The following TCEAL5 variants were observed in gnomAD, a reference collection of about 807,000 sequenced individuals.
The protein encoded by TCEAL5 is transcription elongation factor A like 5, also known as transcription elongation factor A protein-like 5.
For missense variants in TCEAL5, 111 were observed against 158.1 expected (o/e 0.70, Z 1.60); for synonymous variants, 65 against 61.2 (o/e 1.06, Z -0.29).
At position 103,273,879 on chromosome X, in the gene TCEAL5, C is replaced by G; in HGVS notation, c.*64G>C. 1 of 1,167,645 alleles carries G rather than the reference C, an allele frequency of 8.6e-7. No individual in the cohort carries two copies. The highest frequency in any genetic ancestry group is 2.0e-5 in the South Asian group (1 of 50,081). On this transcript the variant is annotated 3_prime_UTR_variant, in exon 3 of 3. Coordinates refer to ENST00000372680, the MANE Select transcript of TCEAL5 (RefSeq NM_001012979.3). ...TTAAAGCACATAGGCCGGCAAATGC[C>G]TGCCAGGAAAAGCAGGACTGGCAAT... is the stretch of plus-strand genomic sequence containing the variant.
intron 1 of TCEAL5, 119 bp from the exon 2 acceptor site, chrX:103,275,461 C>T: frequency 8.9e-6 from 1 of 112,047 alleles, no homozygotes; most frequent in South Asian, 3.8e-4. Flanking sequence ...CCTATCACCT[C>T]CTCGCCTTTT....
At chrX:103,276,219 C>T (rs954990474) in intron 1 of TCEAL5, among the ~76,000 whole-genome samples, 1 of 110,934 alleles carries the variant, frequency 9.0e-6, no homozygotes, top group African/African-American at 3.3e-5. Context: ...CAGACATCAC[C>T]CGGTCGCCGG....
In TCEAL5 at chrX:103,274,613, A is replaced by G. The variant is rs776449748; in HGVS notation, c.-27-23T>C. 2.6e-6 allele frequency: 3 copies of G among 1,146,781 alleles called. No individual in the cohort carries two copies. The South Asian group carries it at 6.5e-5, about 25-fold the overall frequency. 94.5% of individuals were successfully genotyped at this position (1,146,781 alleles called of 1,213,427 possible). A position where few individuals can be genotyped will look rare whatever the true frequency, so the allele number is the denominator to read the frequency against. On this transcript the variant is annotated intron_variant, in intron 2 of 2. Transcript: ENST00000372680. ...TTCCTAGGAGACAAAAAGAAGACAC[A>G]GGACACTGAGGGCTTTGGGGGTTGA... is the stretch of plus-strand genomic sequence containing the variant.
intron 2 of TCEAL5, among the ~76,000 whole-genome samples, 171 bp downstream of exon 2, chrX:103,275,104 C>A (rs1457740531): frequency 9.0e-6 from 1 of 111,507 alleles, no homozygotes; most frequent in Non-Finnish European, 1.9e-5. Context: ...CTATCCTCAC[C>A]AGCCATAGAT....
chrX:103,276,643 C>T (rs1264298364), intron 1 of TCEAL5, 30 bp downstream of exon 1: 2 of 111,312 alleles, frequency 1.8e-5, no homozygotes, highest in Non-Finnish European at 3.8e-5. Flanking sequence ...ATTACCATCC[C>T]TACCTCAGGG....
intron 1 of TCEAL5, among the ~76,000 whole-genome samples, 198 bp from the exon 2 acceptor site, chrX:103,275,540 G>A (rs916566835): frequency 4.5e-5 from 5 of 111,727 alleles, no homozygotes; most frequent in Admixed American, 1.9e-4. Flanking sequence ...TCTACTTGTG[G>A]GAAATAGGCG....
Position 103,273,870 on chromosome X carries a change from G to A in TCEAL5, c.*73C>T, listed in dbSNP as rs1192972555. 6.9e-6 allele frequency: 8 copies of A among 1,157,091 alleles called. No homozygotes were observed. The highest frequency in any genetic ancestry group is 2.5e-5 in the Admixed American group (1 of 39,236). Reference sequence around the variant, plus strand: ...AGCTTAAGGTTAAAGCACATAGGCCGGCAAATGCCTGCCAGGAAAAGCAGG... The same window carrying A: ...AGCTTAAGGTTAAAGCACATAGGCCAGCAAATGCCTGCCAGGAAAAGCAGG... On this transcript the variant is annotated 3_prime_UTR_variant, in exon 3 of 3. Coordinates refer to ENST00000372680, the MANE Select transcript of TCEAL5 (RefSeq NM_001012979.3).
intron 1 of TCEAL5, among the ~76,000 whole-genome samples, chrX:103,275,916 C>G (rs1463419828): frequency 5.3e-5 from 6 of 112,413 alleles, no homozygotes; most frequent in African/African-American, 1.9e-4. Flanking sequence ...CTCAATCCTC[C>G]TACTTCAGAA....
rs1030981922 is a variant in TCEAL5, at chrX:103,276,402, C to T, written c.-96+271G>A. Among the ~76,000 whole-genome samples, 5 of 106,826 alleles carry T rather than the reference C, an allele frequency of 4.7e-5. No homozygotes were observed. In the East Asian group the frequency reaches 1.5e-3, roughly 32 times the overall value. The allele number at this position is 106,826 out of a possible 115,157, so 92.8% of individuals were successfully genotyped here. A position where few individuals can be genotyped will look rare whatever the true frequency, so the allele number is the denominator to read the frequency against. On this transcript the variant is annotated intron_variant, in intron 1 of 2. Coordinates refer to ENST00000372680, the MANE Select transcript of TCEAL5 (RefSeq NM_001012979.3). ...TCCTGGACCCGCTCTGGTCTTTGCC[C>T]TCTGCCATCCCAACCACAGGGATCC...
chrX:103,273,975 G>A lies in TCEAL5; in HGVS notation c.589C>T (p.Gln197Ter). The A allele has an allele frequency of 8.3e-7, 1 of 1,211,765 alleles. No homozygotes were observed. Among genetic ancestry groups the A allele is most frequent in the Non-Finnish European group, 1.1e-6 (1 of 895,445 alleles). Residue 197 changes from glutamine (Q) to a stop codon, truncating the protein, a stop_gained, in exon 3 of 3, where the codon CAG (glutamine) becomes TAG (stop). Coordinates refer to ENST00000372680, the MANE Select transcript of TCEAL5 (RefSeq NM_001012979.3). LOFTEE classifies it high-confidence loss of function. ...VRGVRGGGRG[Q>*]KDLEDVPYV ...TATGGGACATCTTCTAAGTCTTTCT[G>A]GCCCCTACCTCCGCCCCTCACTCCC...
chrX:103,275,240 C>T (rs1447809580), intron 2 of TCEAL5, 35 bp downstream of exon 2: 3 of 111,758 alleles, frequency 2.7e-5, no homozygotes, highest in Non-Finnish European at 5.6e-5. Flanking sequence ...CTCCTACTCC[C>T]AAGGGTCCTG....
chrX:103,274,033 A>T lies in TCEAL5; in HGVS notation c.531T>A (p.Asp177Glu), dbSNP rs751255633. 8.3e-7 allele frequency: 1 copy of T among 1,211,300 alleles called. No homozygotes were observed. Among genetic ancestry groups the T allele is most frequent in the Non-Finnish European group, 1.1e-6 (1 of 895,424 alleles). Reference protein sequence around the residue: ...GFHWMQRDVQDPFAPRGQRGV... With the variant: ...GFHWMQRDVQEPFAPRGQRGV... ...CCCGTTGGCCCCTTGGGGCGAATGG[A>T]TCCTGTACATCTCTTTGCATCCAAT... The change falls in exon 3 of 3, where the codon GAT (aspartate) becomes GAA (glutamate). Residue 177 changes from aspartate to glutamate, a missense_variant. Coordinates refer to ENST00000372680, the MANE Select transcript of TCEAL5 (RefSeq NM_001012979.3).
Sources: gnomAD v4.1 joint callset for allele counts (sites outside exome capture counted in the v4.1 genomes callset) on GRCh38, gnomAD v4.1.1 for gene constraint, MANE v1.5 for transcripts, NCBI Gene and HGNC (gene_info 2026-07-23, HGNC 2026-07-21) for gene names.